Variants in ESRRG observed in about 807,000 individuals in gnomAD.
The protein encoded by ESRRG is estrogen-related receptor gamma.
ESRRG carries 13 observed loss-of-function variants against 44.0 expected under a neutral mutation model. The observed-to-expected ratio is 0.30, with a 90% CI of 0.19 to 0.47. ESRRG has a LOEUF of 0.47. ESRRG is among the 20% of genes least tolerant of loss of function. The pLI is 1.00. For missense variants in ESRRG, 395 were observed against 580.6 expected (o/e 0.68, Z 3.29); for synonymous variants, 215 against 214.6 (o/e 1.00, Z -0.02).
At chr1:216,784,674 A>G (rs964706500) in intron 2 of ESRRG, among the ~76,000 whole-genome samples, 5 of 152,020 alleles carry the variant, frequency 3.3e-5, no homozygotes, top group African/African-American at 1.2e-4. Context: ...TACTGAGCAC[A>G]CTTAATTTTT....
chr1:216,617,545 G>C (rs972852106), intron 3 of ESRRG, among the ~76,000 whole-genome samples: 1 of 151,430 alleles, frequency 6.6e-6, no homozygotes, highest in Non-Finnish European at 1.5e-5. Context: ...ACGATGTGAG[G>C]AAATGTAGTA....
At chr1:217,000,442 A>C (rs2076880949) in intron 1 of ESRRG, 1 of 152,178 alleles carries the variant, frequency 6.6e-6, no homozygotes, top group Non-Finnish European at 1.5e-5. Context: ...CCCTGTGTCC[A>C]AATTGTCTCC....
intron 1 of ESRRG, among the ~76,000 whole-genome samples, chr1:217,025,116 A>G (rs1490507326): frequency 6.6e-6 from 1 of 152,184 alleles, no homozygotes; most frequent in Non-Finnish European, 1.5e-5. Context: ...GAAGCCAAAC[A>G]GCTGTGCTCG....
At chr1:216,887,461 AAT>A (rs748833807) in intron 2 of ESRRG, among the ~76,000 whole-genome samples, 5 of 152,156 alleles carry the variant, frequency 3.3e-5, no homozygotes, top group Non-Finnish European at 5.9e-5. Context: ...AAAATAGGAA[AAT>A]TTACTCTTGG....
At chr1:216,990,950 C>T (rs1004701073) in intron 1 of ESRRG, among the ~76,000 whole-genome samples, 4 of 152,096 alleles carry the variant, frequency 2.6e-5, no homozygotes, top group Admixed American at 6.5e-5. Flanking sequence ...CCCCCCAACC[C>T]CACCCCATAT....
At chr1:216,817,698 CAG>C (rs2095182051) in intron 2 of ESRRG, among the ~76,000 whole-genome samples, 1 of 152,014 alleles carries the variant, frequency 6.6e-6, no homozygotes, top group African/African-American at 2.4e-5. Context: ...AATATTAAAA[CAG>C]TATGAAAAAA....
At chr1:216,559,679 C>G (rs970763669) in intron 5 of ESRRG, among the ~76,000 whole-genome samples, 2 of 152,132 alleles carry the variant, frequency 1.3e-5, no homozygotes, top group African/African-American at 2.4e-5. Flanking sequence ...TGCTTTTGCA[C>G]GTATCCTAAT....
chr1:216,623,371 C>A (rs757655547), intron 3 of ESRRG, among the ~76,000 whole-genome samples: 1 of 152,268 alleles, frequency 6.6e-6, no homozygotes, highest in Non-Finnish European at 1.5e-5. Flanking sequence ...ATACTGCTTG[C>A]AGCATTATAT....
chr1:216,681,224 T>C (rs1238986002), intron 1 of ESRRG, among the ~76,000 whole-genome samples: 1 of 152,148 alleles, frequency 6.6e-6, no homozygotes, highest in Admixed American at 6.5e-5. Context: ...ATGAACCCCC[T>C]GAGAATAAAC....
Position 216,710,375 on chromosome 1 carries a change from A to C in ESRRG, c.56+12869T>G, listed in dbSNP as rs116031075. Among the ~76,000 whole-genome samples the C allele has an allele frequency of 7.0e-3, 1,073 of 152,270 alleles. 13 individuals carry two copies. The highest frequency in any genetic ancestry group is 0.024 in the African/African-American group (1,014 of 41,542). On this transcript the variant is annotated intron_variant, in intron 1 of 6. Transcript: ENST00000408911. ...CCAGGGTCCAGAAGACAAGAGAAAC[A>C]ACCCCACAAAATCTTTCCTGTCATT...
intron 1 of ESRRG, among the ~76,000 whole-genome samples, chr1:216,705,708 ATCCTTCCCCTGTT>A (rs1248635431): frequency 6.6e-6 from 1 of 152,180 alleles, no homozygotes; most frequent in Non-Finnish European, 1.5e-5. Context: ...GTTCTTTCAG[ATCCTTCCCCTGTT>A]ACTCTTCTTC....
At chr1:216,514,238 A>G (rs2043525227) in intron 6 of ESRRG, among the ~76,000 whole-genome samples, 1 of 152,162 alleles carries the variant, frequency 6.6e-6, no homozygotes, top group South Asian at 2.1e-4. Flanking sequence ...TCACTTCCAA[A>G]ATATCTTATT....
chr1:216,924,064 A>G (rs1469426418), intron 2 of ESRRG, among the ~76,000 whole-genome samples: 1 of 152,180 alleles, frequency 6.6e-6, no homozygotes, highest in African/African-American at 2.4e-5. Flanking sequence ...ACCTTTCCAA[A>G]CCTGAAGAGA....
intron 3 of ESRRG, among the ~76,000 whole-genome samples, chr1:216,627,672 A>G (rs1246590889): frequency 2.0e-5 from 3 of 152,238 alleles, no homozygotes; most frequent in Non-Finnish European, 4.4e-5. Flanking sequence ...ATCCAATGGC[A>G]GCATTAGGCT....
intron 1 of ESRRG, among the ~76,000 whole-genome samples, chr1:217,035,540 G>C (rs899643839): frequency 6.6e-5 from 10 of 151,870 alleles, no homozygotes; most frequent in African/African-American, 2.4e-4. Context: ...CACAAATCCA[G>C]CCCTTTCCAA....
intron 2 of ESRRG, among the ~76,000 whole-genome samples, chr1:216,772,201 G>A (rs1317331617): frequency 6.6e-6 from 1 of 152,106 alleles, no homozygotes; most frequent in Admixed American, 6.6e-5. Flanking sequence ...GCTACACGTT[G>A]TTCACACCAA....
At chr1:216,744,729 G>A (rs995971642) in intron 2 of ESRRG, among the ~76,000 whole-genome samples, 1 of 152,130 alleles carries the variant, frequency 6.6e-6, no homozygotes, top group Non-Finnish European at 1.5e-5. Flanking sequence ...CTACAAATGT[G>A]TCCCATCTTC....
At chr1:216,789,951 T>C (rs1339346) in intron 2 of ESRRG, among the ~76,000 whole-genome samples, 115,867 of 152,066 alleles carry the variant, frequency 0.76, 44,637 homozygotes, top group African/African-American at 0.88. Context: ...AGGTGGGCAA[T>C]GTGACTAAGC....
At chr1:216,881,649 C>A (rs1322329285) in intron 2 of ESRRG, among the ~76,000 whole-genome samples, 39 of 151,850 alleles carry the variant, frequency 2.6e-4, no homozygotes, top group Admixed American at 2.5e-3. Context: ...ACAACAACAA[C>A]AAAAAATGGG....
Sources: allele counts gnomAD v4.1 joint callset (sites outside exome capture counted in the v4.1 genomes callset), GRCh38; gene constraint gnomAD v4.1.1; transcripts MANE v1.5; gene names NCBI Gene and HGNC (gene_info 2026-07-23, HGNC 2026-07-21).